SEMA3A: variants seen among roughly 807,000 people sequenced by gnomAD.
The protein encoded by SEMA3A is semaphorin 3A.
In SEMA3A, 29 loss-of-function variants were observed where a neutral mutation model predicts 97.9. The ratio of observed to expected loss-of-function variants is 0.30; its 90% CI spans 0.22 to 0.40. The LOEUF (loss-of-function observed/expected upper bound fraction) is 0.40, where lower values mean the gene tolerates loss of function less well. SEMA3A is among the 10% of genes least tolerant of loss of function. The probability of loss-of-function intolerance (pLI) is 1.00; values close to 1 mark genes in which losing one functional copy is unlikely to be tolerated. For missense variants in SEMA3A, 763 were observed against 951.3 expected (o/e 0.80, Z 2.60); for synonymous variants, 321 against 323.7 (o/e 0.99, Z 0.09).
At chr7:84,404,159 G>T (rs1278044799) in intron 1 of SEMA3A, among the ~76,000 whole-genome samples, 12 of 152,086 alleles carry the variant, frequency 7.9e-5, no homozygotes, top group Admixed American at 7.9e-4. Context: ...AAAATTAGAC[G>T]AATGGATAAC....
intron 12 of SEMA3A, among the ~76,000 whole-genome samples, chr7:83,990,139 T>G (rs1277067091): frequency 1.3e-5 from 2 of 151,910 alleles, no homozygotes; most frequent in African/African-American, 4.8e-5. Flanking sequence ...TCTGTTCATG[T>G]CCTTCGCCCA....
intron 2 of SEMA3A, among the ~76,000 whole-genome samples, chr7:84,133,687 C>A (rs1796029443): frequency 6.6e-6 from 1 of 151,934 alleles, no homozygotes; most frequent in Non-Finnish European, 1.5e-5. Flanking sequence ...CACTTAGACA[C>A]AACACATATA....
intron 1 of SEMA3A, among the ~76,000 whole-genome samples, chr7:84,434,825 A>G (rs933443504): frequency 1.3e-5 from 2 of 152,172 alleles, no homozygotes; most frequent in African/African-American, 4.8e-5. Context: ...ACATGATAAA[A>G]GCCCTCAACA....
At chr7:84,255,154 G>T (rs775422640) in intron 3 of SEMA3A, among the ~76,000 whole-genome samples, 2 of 152,040 alleles carry the variant, frequency 1.3e-5, no homozygotes, top group Non-Finnish European at 2.9e-5. Context: ...GGCAGGCCTT[G>T]GTTCAAAGTT....
Position 84,029,667 on chromosome 7 carries a change from A to T in SEMA3A, c.668-15316T>A, listed in dbSNP as rs189147808. On this transcript the variant is annotated intron_variant, in intron 6 of 16. Coordinates refer to ENST00000265362, the MANE Select transcript of SEMA3A (RefSeq NM_006080.3). ...CATTATTATGCTTTTGAATTACATT[A>T]GGTATAAACCTAGTGTGTGATTAGA... 4.3e-3 allele frequency among the ~76,000 whole-genome samples: 660 copies of T among 152,248 alleles called. 5 individuals carry two copies. The highest frequency in any genetic ancestry group is 0.015 in the African/African-American group (628 of 41,550).
intron 1 of SEMA3A, among the ~76,000 whole-genome samples, chr7:84,388,009 A>G (rs1803443223): frequency 6.8e-6 from 1 of 146,004 alleles, no homozygotes; most frequent in African/African-American, 2.5e-5. Context: ...CTAAACACAG[A>G]TATAGGATAG....
At chr7:84,356,620 C>T (rs1017728015) in intron 2 of SEMA3A, among the ~76,000 whole-genome samples, 7 of 151,638 alleles carry the variant, frequency 4.6e-5, no homozygotes, top group African/African-American at 7.3e-5. Context: ...TTACAATATG[C>T]ATTTTAGTAA....
At position 84,433,828 on chromosome 7, in the gene SEMA3A, G is replaced by A. The variant is rs1805050408; in HGVS notation, c.-246+58632C>T. Among the ~76,000 whole-genome samples, 4 of 152,302 alleles carry A rather than the reference G, an allele frequency of 2.6e-5. No individual in the cohort carries two copies. In the South Asian group the frequency reaches 8.3e-4, roughly 32 times the overall value. ...TTGATTTGCATTTCTCTAATGAGCA[G>A]TGATTATCAGCTTTCTTTCATGTTT... On this transcript the variant is annotated intron_variant, in intron 1 of 3. Coordinates refer to the SEMA3A transcript ENST00000424555.
At chr7:84,073,157 A>G (rs1316900127) in intron 4 of SEMA3A, among the ~76,000 whole-genome samples, 4 of 152,142 alleles carry the variant, frequency 2.6e-5, no homozygotes, top group Admixed American at 2.0e-4. Context: ...ACTGGAAACC[A>G]TCAGAGTTCA....
intron 6 of SEMA3A, among the ~76,000 whole-genome samples, chr7:84,037,032 A>T (rs1360161709): frequency 6.6e-6 from 1 of 152,158 alleles, no homozygotes; most frequent in Non-Finnish European, 1.5e-5. Context: ...ATAATCAAGT[A>T]ATGACAAAAA....
chr7:84,350,417 AT>A (rs1802408776), intron 2 of SEMA3A, among the ~76,000 whole-genome samples: 1 of 152,124 alleles, frequency 6.6e-6, no homozygotes, highest in Non-Finnish European at 1.5e-5. Context: ...AATATTTCTA[AT>A]TGAATAAAAG....
At chr7:84,429,872 C>T (rs1041578307) in intron 1 of SEMA3A, among the ~76,000 whole-genome samples, 4 of 151,676 alleles carry the variant, frequency 2.6e-5, no homozygotes, top group Non-Finnish European at 5.9e-5. Context: ...GACATGAAGC[C>T]TTTCCTTCCG....
chr7:84,329,081 A>T (rs1801844581), intron 2 of SEMA3A, among the ~76,000 whole-genome samples: 1 of 151,940 alleles, frequency 6.6e-6, no homozygotes, highest in Non-Finnish European at 1.5e-5. Flanking sequence ...TCAACCCATC[A>T]TCTACATTAA....
intron 1 of SEMA3A, among the ~76,000 whole-genome samples, chr7:84,138,461 CAATTGA>C (rs1187805317): frequency 6.6e-6 from 1 of 151,892 alleles, no homozygotes; most frequent in African/African-American, 2.4e-5. Flanking sequence ...AATATTTTCC[CAATTGA>C]AAAATATGTT....
intron 1 of SEMA3A, among the ~76,000 whole-genome samples, chr7:84,475,979 C>T (rs1041609875): frequency 1.3e-5 from 2 of 152,108 alleles, no homozygotes; most frequent in African/African-American, 4.8e-5. Context: ...AGGAAAGATA[C>T]AATATGCATG....
chr7:83,992,637 G>T (rs1258668907), intron 12 of SEMA3A, among the ~76,000 whole-genome samples: 2 of 151,668 alleles, frequency 1.3e-5, no homozygotes, highest in African/African-American at 2.4e-5. Context: ...TTTTGAGTGA[G>T]ATTCTTAATC....
At chr7:84,416,930 A>T (rs1804452010) in intron 1 of SEMA3A, among the ~76,000 whole-genome samples, 1 of 152,144 alleles carries the variant, frequency 6.6e-6, no homozygotes. Flanking sequence ...AATATAGCAG[A>T]CTTCCAGAGA....
chr7:84,350,465 G>A (rs1044217230), intron 2 of SEMA3A, among the ~76,000 whole-genome samples: 6 of 152,016 alleles, frequency 3.9e-5, no homozygotes, highest in Admixed American at 1.3e-4. Flanking sequence ...TATTAAAACT[G>A]ATTTATTTAT....
intron 7 of SEMA3A, among the ~76,000 whole-genome samples, chr7:84,013,864 T>C (rs1465636462): frequency 6.6e-6 from 1 of 151,960 alleles, no homozygotes; most frequent in African/African-American, 2.4e-5. Flanking sequence ...AACCAAAACT[T>C]AAAAACTTAC....
Sources: gnomAD v4.1 joint callset for allele counts (sites outside exome capture counted in the v4.1 genomes callset) on GRCh38, gnomAD v4.1.1 for gene constraint, MANE v1.5 for transcripts, NCBI Gene and HGNC (gene_info 2026-07-23, HGNC 2026-07-21) for gene names.